NRXN2: variants seen among roughly 807,000 people sequenced by gnomAD.
NRXN2 encodes the protein neurexin-2-beta.
Under a neutral mutation model 128.8 loss-of-function variants are expected in NRXN2, and 29 were observed. The ratio of observed to expected loss-of-function variants is 0.23; its 90% CI spans 0.17 to 0.31. The LOEUF is 0.31. Ranked by LOEUF, NRXN2 falls within the 10% of genes least tolerant of loss-of-function variation. NRXN2 has a pLI of 1.00. For missense variants in NRXN2, 1,881 were observed against 2,452.6 expected, an observed-to-expected ratio of 0.77 and a Z score of 4.92; for synonymous variants, 1,098 against 1,075.2, an observed-to-expected ratio of 1.02 and a Z score of -0.41.
intron 17 of NRXN2, among the ~76,000 whole-genome samples, chr11:64,645,010 T>C (rs983649070): frequency 2.6e-5 from 4 of 152,018 alleles, no homozygotes; most frequent in African/African-American, 9.7e-5. Context: ...CCCCAGGTCT[T>C]TAGAAGTGAA....
rs1056594364 is a variant in NRXN2, at chr11:64,615,941, C to T, written c.4252+4353G>A. ...ATGCATATGTGTGTACATATGTATTCTTCTGTGAGTGTGAACCAGTATGCA... is the reference window on the plus strand; with the variant it reads ...ATGCATATGTGTGTACATATGTATTTTTCTGTGAGTGTGAACCAGTATGCA... On this transcript the variant is annotated intron_variant, in intron 22 of 22. Coordinates refer to ENST00000265459, the MANE Select transcript of NRXN2 (RefSeq NM_015080.4). 2.0e-5 allele frequency among the ~76,000 whole-genome samples: 3 copies of T among 151,782 alleles called. No individual in the cohort carries two copies. In the South Asian group the frequency reaches 6.3e-4, roughly 32 times the overall value.
At chr11:64,642,737 G>T in intron 17 of NRXN2, 3 of 1,422,706 alleles carry the variant, frequency 2.1e-6, no homozygotes, top group Middle Eastern at 2.3e-4. Context: ...GGAGGCGGCG[G>T]CAGGGGCCCA....
At chr11:64,638,814 G>A (rs927567917) in intron 17 of NRXN2, among the ~76,000 whole-genome samples, 1 of 152,298 alleles carries the variant, frequency 6.6e-6, no homozygotes, top group African/African-American at 2.4e-5. Context: ...CATAGGCCCA[G>A]GTTCGGCACC....
intron 3 of NRXN2, 94 bp from the exon 4 acceptor site, chr11:64,692,970 A>T: frequency 4.5e-6 from 5 of 1,102,682 alleles, no homozygotes; most frequent in Non-Finnish European, 5.4e-6. Flanking sequence ...CGAGTCATCA[A>T]AATCAGCCAG....
intron 3 of NRXN2, among the ~76,000 whole-genome samples, chr11:64,693,410 C>T (rs1592159227): frequency 1.3e-5 from 2 of 150,876 alleles, no homozygotes; most frequent in African/African-American, 4.9e-5. Context: ...ACACAAAAAT[C>T]AAAGCCACCT....
chr11:64,628,753 ATGCCTACACAGCCAGAGCTGTCAGTGT>A (rs1488706291), intron 19 of NRXN2, among the ~76,000 whole-genome samples: 1 of 152,224 alleles, frequency 6.6e-6, no homozygotes, highest in East Asian at 1.9e-4. Context: ...CACAGGAATC[ATGCCTACACAGCCAGAGCTGTCAGTGT>A]TGGCTTGTTG....
At chr11:64,617,292 T>C (rs1270216317) in intron 22 of NRXN2, among the ~76,000 whole-genome samples, 2 of 152,134 alleles carry the variant, frequency 1.3e-5, no homozygotes, top group Non-Finnish European at 2.9e-5. Flanking sequence ...AGACCCTGCC[T>C]CTGTGGGTCT....
chr11:64,677,372 G>A (rs2051488598), intron 6 of NRXN2, among the ~76,000 whole-genome samples: 1 of 150,936 alleles, frequency 6.6e-6, no homozygotes, highest in East Asian at 1.9e-4. Flanking sequence ...CCGAAGAAGA[G>A]CCGTCTGCAG....
At position 64,713,391 on chromosome 11, in the gene NRXN2, C is replaced by T. The variant is rs752536639; in HGVS notation, c.309G>A (p.Leu103=). 2 of 1,477,690 alleles carry T rather than the reference C, an allele frequency of 1.4e-6. No individual in the cohort carries two copies. Among genetic ancestry groups the T allele is most frequent in the Non-Finnish European group, 1.8e-6 (2 of 1,118,990 alleles). 91.5% of individuals were successfully genotyped at this position (1,477,690 alleles called of 1,614,324 possible). ...LSCAEPATLQ[L]DTPVADDRWH... ...AGCGGTCGTCGGCCACCGGCGTGTC[C>T]AGCTGCAGCGTGGCCGGCTCGGCGC... The change falls in exon 2 of 23, where the codon CTG becomes CTA. Residue 103 remains leucine, a synonymous_variant. Coordinates refer to ENST00000265459, the MANE Select transcript of NRXN2 (RefSeq NM_015080.4).
At position 64,630,596 on chromosome 11, in the gene NRXN2, C is replaced by T. The variant is rs764959406; in HGVS notation, c.3586-23G>A. ...GTCCTGGGGACATGGAGGTGGAGGT[C>T]AGCGACCAGAGGGAGCAACCATTCA... On this transcript the variant is annotated intron_variant, in intron 18 of 22. Transcript: ENST00000265459. The surrounding 1 kb of genome is among the most constrained non-coding windows in gnomAD (Gnocchi z 4.6). 6.2e-7 allele frequency: 1 copy of T among 1,613,404 alleles called. No individual in the cohort carries two copies. Among genetic ancestry groups the T allele is most frequent in the Admixed American group, 1.7e-5 (1 of 60,008 alleles).
intron 2 of NRXN2, 49 bp from the exon 3 acceptor site, chr11:64,697,841 A>G (rs2054782246): frequency 6.2e-7 from 1 of 1,610,114 alleles, no homozygotes; most frequent in Non-Finnish European, 8.5e-7. Context: ...GAGAAGAAAA[A>G]GGAGGGCTGT....
At chr11:64,717,241 C>G (rs2057328795) in intron 1 of NRXN2, among the ~76,000 whole-genome samples, 3 of 152,212 alleles carry the variant, frequency 2.0e-5, no homozygotes, top group Admixed American at 1.3e-4. Flanking sequence ...GCAAGGCCCA[C>G]TTTTCTTCTT....
chr11:64,704,623 C>CACAG lies in NRXN2; in HGVS notation c.731-6832_731-6831insCTGT, dbSNP rs1336665936. Among the ~76,000 whole-genome samples the CACAG allele has an allele frequency of 5.3e-3, 433 of 81,176 alleles. 6 individuals carry two copies. Among genetic ancestry groups the CACAG allele is most frequent in the East Asian group, 0.012 (34 of 2,798 alleles). The allele number at this position is 81,176 out of a possible 152,430, so 53.3% of individuals were successfully genotyped here. On this transcript the variant is annotated intron_variant, in intron 2 of 22. Transcript: ENST00000265459. Reference sequence around the variant, plus strand: ...TCACACACACACACACACACACACACAGAGAGAGAGAGAGAGAGAGAGAGA... The same window carrying CACAG: ...TCACACACACACACACACACACACACACAGAGAGAGAGAGAGAGAGAGAGAGAGA...
Position 64,696,733 on chromosome 11 carries a change from C to G in NRXN2, c.748+1042G>C, listed in dbSNP as rs548397305. 3.9e-5 allele frequency among the ~76,000 whole-genome samples: 6 copies of G among 152,294 alleles called. No individual in the cohort carries two copies. The East Asian group carries it at 1.2e-3, about 29-fold the overall frequency. ...GGACTACTGCATCCCTGGCACTTTC[C>G]TCTCCTCCTCCCCAGGGACGCCCTT... On this transcript the variant is annotated intron_variant, in intron 3 of 22. Transcript: ENST00000265459.
chr11:64,696,041 T>C (rs2054470820), intron 3 of NRXN2, among the ~76,000 whole-genome samples: 1 of 148,408 alleles, frequency 6.7e-6, no homozygotes, highest in Non-Finnish European at 1.5e-5. Context: ...AGTCTTTCTC[T>C]TCCCACCCTT....
chr11:64,718,648 G>A (rs1210545406), intron 1 of NRXN2, among the ~76,000 whole-genome samples: 1 of 152,166 alleles, frequency 6.6e-6, no homozygotes, highest in Non-Finnish European at 1.5e-5. Flanking sequence ...GCTCAGAGAG[G>A]CTCGGTGTGG....
At chr11:64,685,576 A>C in intron 6 of NRXN2, 70 bp downstream of exon 6, 2 of 1,595,770 alleles carry the variant, frequency 1.3e-6, no homozygotes, top group Non-Finnish European at 1.7e-6. Flanking sequence ...AGCTCCCGGC[A>C]GCCCCCTCTC....
Position 64,632,880 on chromosome 11 carries a change from C to T in NRXN2, c.3586-2307G>A, listed in dbSNP as rs191086320. ...AAGTGGAGCGACGCTTTATTAGAAA[C>T]GTCAAATTGCTTTTCTCTTATTTTG... On this transcript the variant is annotated intron_variant, in intron 18 of 22. Coordinates refer to ENST00000265459, the MANE Select transcript of NRXN2 (RefSeq NM_015080.4). The surrounding 1 kb of genome is among the most constrained non-coding windows in gnomAD (Gnocchi z 4.2). 3.9e-5 allele frequency among the ~76,000 whole-genome samples: 6 copies of T among 152,346 alleles called. No homozygotes were observed. Among genetic ancestry groups the T allele is most frequent in the African/African-American group, 1.2e-4 (5 of 41,574 alleles).
intron 6 of NRXN2, among the ~76,000 whole-genome samples, chr11:64,681,809 A>G (rs1744622320): frequency 1.9e-4 from 1 of 5,258 alleles, no homozygotes; most frequent in African/African-American, 2.2e-4. Context: ...AAAACTAAGA[A>G]AATTGGATGA....
Sources: gnomAD v4.1 joint callset for allele counts (sites outside exome capture counted in the v4.1 genomes callset) on GRCh38, gnomAD v4.1.1 for gene constraint, Gnocchi (gnomAD v3.1) non-coding constraint, MANE v1.5 for transcripts, NCBI Gene and HGNC (gene_info 2026-07-23, HGNC 2026-07-21) for gene names.